Variants in ADARB2 observed in about 807,000 individuals in gnomAD.
ADARB2 encodes the protein inactive double-stranded RNA-specific editase B2.
A neutral mutation model predicts 62.2 loss-of-function variants in ADARB2; 25 were observed. The observed-to-expected ratio is 0.40, with a 90% CI of 0.29 to 0.56. The LOEUF is 0.56. Ranked by LOEUF, ADARB2 falls within the 20% of genes least tolerant of loss-of-function variation. The probability of loss-of-function intolerance (pLI) is 0.43; values close to 1 mark genes in which losing one functional copy is unlikely to be tolerated. For synonymous variants in ADARB2, 572 were observed against 500.8 expected, an observed-to-expected ratio of 1.14 and a Z score of -1.90; for missense variants, 1,071 against 1,077.4, an observed-to-expected ratio of 0.99 and a Z score of 0.08.
At chr10:1,244,930 G>C (rs937719478) in intron 4 of ADARB2, among the ~76,000 whole-genome samples, 7 of 152,198 alleles carry the variant, frequency 4.6e-5, no homozygotes, top group Admixed American at 2.0e-4. Context: ...GTGGGAAAGT[G>C]GCGAAGCTTC....
chr10:1,725,637 G>A (rs1179580811), intron 1 of ADARB2, among the ~76,000 whole-genome samples: 1 of 152,200 alleles, frequency 6.6e-6, no homozygotes, highest in Non-Finnish European at 1.5e-5. Flanking sequence ...GGCAACACCC[G>A]AGAGAGCAGG....
At chr10:1,552,697 G>C (rs935664948) in intron 1 of ADARB2, among the ~76,000 whole-genome samples, 8 of 151,958 alleles carry the variant, frequency 5.3e-5, no homozygotes, top group Non-Finnish European at 1.0e-4. Flanking sequence ...CACATCTATT[G>C]GCGACAGGAG....
intron 1 of ADARB2, among the ~76,000 whole-genome samples, chr10:1,665,288 C>T (rs1834301318): frequency 1.3e-5 from 2 of 152,364 alleles, no homozygotes; most frequent in South Asian, 2.1e-4. Flanking sequence ...GCTTCACCGC[C>T]GTTTCCAGCT....
chr10:1,386,619 T>C (rs2131863741), intron 1 of ADARB2, among the ~76,000 whole-genome samples: 1 of 152,136 alleles, frequency 6.6e-6, no homozygotes, highest in Middle Eastern at 3.4e-3. Context: ...ATAATACTTG[T>C]TGGTGTTTAT....
intron 1 of ADARB2, among the ~76,000 whole-genome samples, chr10:1,581,101 A>G (rs1833091667): frequency 6.6e-6 from 1 of 152,224 alleles, no homozygotes; most frequent in Admixed American, 6.5e-5. Context: ...CTGCTGGAAT[A>G]CGTGGTGAAA....
rs369805436 is a variant in ADARB2, at chr10:1,331,322, T to C, written c.1077+31706A>G. On this transcript the variant is annotated intron_variant, in intron 3 of 9. Coordinates refer to ENST00000381312, the MANE Select transcript of ADARB2 (RefSeq NM_018702.4). ...ATTCAAGTGTTCACAGTGGCAATAT[T>C]CATAATAGACAAAAAGTAGAAATGA... Among the ~76,000 whole-genome samples, 9 of 152,322 alleles carry C rather than the reference T, an allele frequency of 5.9e-5. No individual in the cohort carries two copies. In the East Asian group the frequency reaches 9.6e-4, roughly 16 times the overall value.
chr10:1,497,086 T>C (rs754232979), intron 1 of ADARB2, among the ~76,000 whole-genome samples: 1 of 152,234 alleles, frequency 6.6e-6, no homozygotes, highest in Non-Finnish European at 1.5e-5. Context: ...ATCTCAGGTA[T>C]GCCCCTTAAG....
At chr10:1,273,118 A>G (rs1403931277) in intron 3 of ADARB2, among the ~76,000 whole-genome samples, 1 of 152,174 alleles carries the variant, frequency 6.6e-6, no homozygotes, top group Non-Finnish European at 1.5e-5. Flanking sequence ...GGCCATCTCA[A>G]AGTCCTTAAC....
intron 1 of ADARB2, among the ~76,000 whole-genome samples, chr10:1,731,107 G>A (rs565829236): frequency 6.6e-6 from 1 of 152,298 alleles, no homozygotes; most frequent in East Asian, 1.9e-4. Context: ...CCAAATTTTA[G>A]GGGCTGGAGG....
intron 1 of ADARB2, among the ~76,000 whole-genome samples, chr10:1,503,022 A>G (rs1831784798): frequency 6.6e-6 from 1 of 152,212 alleles, no homozygotes; most frequent in South Asian, 2.1e-4. Flanking sequence ...AGCATTAAGG[A>G]ATAGCAATGA....
Position 1,183,387 on chromosome 10 carries a change from A to G in ADARB2, c.2044-18T>C. The G allele has an allele frequency of 1.2e-6, 2 of 1,602,140 alleles. No homozygotes were observed. Among genetic ancestry groups the G allele is most frequent in the East Asian group, 2.2e-5 (1 of 44,494 alleles). On this transcript the variant is annotated intron_variant, in intron 9 of 9. Coordinates refer to ENST00000381312, the MANE Select transcript of ADARB2 (RefSeq NM_018702.4). The stretch of plus-strand genomic sequence containing the variant: ...GTGCTCAGCTGCGGACAAGAAGGAG[A>G]AAGAGCCAATCAGACACCAGCAGAA...
chr10:1,532,935 G>T (rs889530168), intron 1 of ADARB2, among the ~76,000 whole-genome samples: 2 of 152,158 alleles, frequency 1.3e-5, no homozygotes, highest in African/African-American at 4.8e-5. Flanking sequence ...CGGGCATCCA[G>T]CGGTGTCTGT....
At chr10:1,261,777 C>T (rs995557447) in intron 4 of ADARB2, among the ~76,000 whole-genome samples, 9 of 150,218 alleles carry the variant, frequency 6.0e-5, no homozygotes, top group Non-Finnish European at 1.3e-4. Context: ...TTTGACCCAG[C>T]CATTCCATTA....
chr10:1,418,839 A>G (rs910552159), intron 1 of ADARB2, among the ~76,000 whole-genome samples: 3 of 151,612 alleles, frequency 2.0e-5, no homozygotes, highest in African/African-American at 7.3e-5. Flanking sequence ...AAAAAAATCT[A>G]TGTCTTGATT....
chr10:1,723,590 A>T (rs1290664451), intron 1 of ADARB2, among the ~76,000 whole-genome samples: 1 of 152,202 alleles, frequency 6.6e-6, no homozygotes, highest in East Asian at 1.9e-4. Context: ...CAAACCTGGG[A>T]AAAGAACTGT....
At chr10:1,622,809 G>A (rs187151337) in intron 1 of ADARB2, among the ~76,000 whole-genome samples, 144 of 152,226 alleles carry the variant, frequency 9.5e-4, no homozygotes, top group Non-Finnish European at 1.8e-3. Context: ...ATATAACAGA[G>A]TACTTCAGCA....
intron 1 of ADARB2, among the ~76,000 whole-genome samples, chr10:1,483,078 T>C (rs1332314135): frequency 4.6e-5 from 7 of 152,196 alleles, no homozygotes; most frequent in Non-Finnish European, 1.0e-4. Flanking sequence ...AGTAACTGAG[T>C]TCAATGTTCC....
chr10:1,468,253 C>A (rs1204208367), intron 1 of ADARB2, among the ~76,000 whole-genome samples: 1 of 152,158 alleles, frequency 6.6e-6, no homozygotes, highest in Non-Finnish European at 1.5e-5. Context: ...TGGAAGGATT[C>A]TTTGGGAGGG....
chr10:1,395,345 G>C (rs1193525859), intron 1 of ADARB2, among the ~76,000 whole-genome samples: 2 of 152,202 alleles, frequency 1.3e-5, no homozygotes, highest in African/African-American at 2.4e-5. Context: ...CCTCCCTCCT[G>C]TCTCCAACCT....
Sources: gnomAD v4.1 joint callset for allele counts (sites outside exome capture counted in the v4.1 genomes callset) on GRCh38, gnomAD v4.1.1 for gene constraint, MANE v1.5 for transcripts, NCBI Gene and HGNC (gene_info 2026-07-23, HGNC 2026-07-21) for gene names.